FAM227A: variants seen among roughly 807,000 people sequenced by gnomAD.
The protein encoded by FAM227A is protein FAM227A.
A neutral mutation model predicts 74.7 loss-of-function variants in FAM227A; 80 were observed. The ratio of observed to expected loss-of-function variants is 1.07; its 90% CI spans 0.89 to 1.29. The LOEUF (loss-of-function observed/expected upper bound fraction) is 1.29, where lower values mean the gene tolerates loss of function less well. FAM227A is among the 50% of genes most tolerant of loss of function. The pLI is 0.00. For synonymous variants in FAM227A, 237 were observed against 241.8 expected (o/e 0.98, Z 0.19); for missense variants, 654 against 683.4 (o/e 0.96, Z 0.48).
chr22:38,651,399 C>T (rs966304218), intron 1 of FAM227A, among the ~76,000 whole-genome samples: 2 of 152,098 alleles, frequency 1.3e-5, no homozygotes, highest in Admixed American at 6.6e-5. Flanking sequence ...TTTGAGACAG[C>T]GTCTTGCTCT....
chr22:38,629,592 C>G (rs2091876205), intron 6 of FAM227A, among the ~76,000 whole-genome samples: 1 of 152,264 alleles, frequency 6.6e-6, no homozygotes, highest in Non-Finnish European at 1.5e-5. Flanking sequence ...GGTCAGCATT[C>G]TTGCCTGAGC....
At chr22:38,601,666 G>A (rs2091181342) in intron 13 of FAM227A, among the ~76,000 whole-genome samples, 1 of 152,184 alleles carries the variant, frequency 6.6e-6, no homozygotes. Context: ...GGGAATTGCT[G>A]ATGGGGCCCA....
At chr22:38,634,144 C>T (rs1288251252) in intron 6 of FAM227A, among the ~76,000 whole-genome samples, 11 of 150,646 alleles carry the variant, frequency 7.3e-5, no homozygotes, top group South Asian at 2.1e-4. Context: ...AGTGCTCGAA[C>T]CCAGGAAGGG....
At chr22:38,613,081 A>T (rs1379010057) in intron 11 of FAM227A, among the ~76,000 whole-genome samples, 1 of 96,046 alleles carries the variant, frequency 1.0e-5, no homozygotes, top group South Asian at 2.6e-4. Flanking sequence ...ATTATATATA[A>T]TTATATATAT....
chr22:38,652,837 A>G (rs1174091656), intron 1 of FAM227A, among the ~76,000 whole-genome samples: 1 of 144,786 alleles, frequency 6.9e-6, no homozygotes, highest in South Asian at 2.2e-4. Context: ...AGATCACACC[A>G]CTTCACTCCA....
chr22:38,652,876 CA>C (rs10554372), intron 1 of FAM227A, among the ~76,000 whole-genome samples: 1,647 of 90,308 alleles, frequency 0.018, 38 homozygotes, highest in African/African-American at 0.057. Context: ...GACTCCATCT[CA>C]AAAAAAAAAA....
chr22:38,620,791 A>G (rs1276835683), intron 10 of FAM227A, among the ~76,000 whole-genome samples: 1 of 151,998 alleles, frequency 6.6e-6, no homozygotes, highest in East Asian at 1.9e-4. Flanking sequence ...CCTGGGTGAC[A>G]TAATGAGACT....
intron 16 of FAM227A, among the ~76,000 whole-genome samples, chr22:38,588,814 G>A (rs1271342958): frequency 2.0e-5 from 3 of 149,830 alleles, no homozygotes; most frequent in African/African-American, 7.4e-5. Flanking sequence ...TGTAGTCCCA[G>A]CTACGTGGGA....
chr22:38,600,967 A>G (rs1041795348), intron 13 of FAM227A, among the ~76,000 whole-genome samples: 1 of 151,332 alleles, frequency 6.6e-6, no homozygotes. Flanking sequence ...AAAAAAAAAG[A>G]AAATTATTTA....
At position 38,617,496 on chromosome 22, in the gene FAM227A, C is replaced by T. The variant is rs186285726; in HGVS notation, c.1038+2716G>A. Among the ~76,000 whole-genome samples the T allele has an allele frequency of 6.6e-5, 10 of 152,114 alleles. No individual in the cohort carries two copies. In the East Asian group the frequency reaches 1.4e-3, roughly 21 times the overall value. ...ATTTTTAGTAGAGATGGGGTTTCAC[C>T]GTGTTAGCTAAGATGGTCTCGATCT... On this transcript the variant is annotated intron_variant, in intron 11 of 16. Transcript: ENST00000535113.
intron 11 of FAM227A, among the ~76,000 whole-genome samples, chr22:38,616,314 C>T (rs1221630338): frequency 1.3e-5 from 2 of 152,114 alleles, no homozygotes; most frequent in African/African-American, 2.4e-5. Context: ...CAGTGGCTGC[C>T]GGGGGCAGGA....
intron 9 of FAM227A, 92 bp from the exon 10 acceptor site, chr22:38,623,371 C>T (rs2091732648): frequency 5.0e-6 from 4 of 807,638 alleles, no homozygotes; most frequent in South Asian, 4.8e-5. Context: ...GGGAGGATTG[C>T]TTGAGCCCAG....
chr22:38,599,714 G>T, intron 14 of FAM227A, 50 bp downstream of exon 14: 2 of 1,491,668 alleles, frequency 1.3e-6, no homozygotes, highest in Non-Finnish European at 1.8e-6. Context: ...CTGGGAAGAG[G>T]ACGCGGGGGC....
At chr22:38,646,331 C>A (rs2145720915) in intron 2 of FAM227A, among the ~76,000 whole-genome samples, 1 of 132,214 alleles carries the variant, frequency 7.6e-6, no homozygotes, top group Admixed American at 8.6e-5. Flanking sequence ...GGGATCTCGG[C>A]TCACTGCAAG....
chr22:38,615,653 TG>T (rs985172436), intron 11 of FAM227A, among the ~76,000 whole-genome samples: 1 of 152,050 alleles, frequency 6.6e-6, no homozygotes, highest in African/African-American at 2.4e-5. Flanking sequence ...GCACCTGCAG[TG>T]GGGGGGCCTG....
At chr22:38,620,574 C>A (rs560629876) in intron 10 of FAM227A, among the ~76,000 whole-genome samples, 1 of 151,438 alleles carries the variant, frequency 6.6e-6, no homozygotes, top group African/African-American at 2.4e-5. Context: ...GAGGCCGAGG[C>A]GGGCGGATCA....
rs1312518550 is a variant in FAM227A, at chr22:38,626,882, AAAAAAAAAAAT to A, written c.727-590_727-580del. On this transcript the variant is annotated intron_variant, in intron 8 of 16. Coordinates refer to ENST00000535113, the MANE Select transcript of FAM227A (RefSeq NM_001013647.2). The stretch of plus-strand genomic sequence containing the variant: ...CTCTGTCTCAAAAAAAAAAAAAAAA[AAAAAAAAAAAT>A]ATATATATATATATATATATACACG... Among the ~76,000 whole-genome samples, 7 of 110,538 alleles carry A rather than the reference AAAAAAAAAAAT, an allele frequency of 6.3e-5. No homozygotes were observed. The East Asian group carries it at 1.2e-3, about 18-fold the overall frequency. 72.5% of individuals were successfully genotyped at this position (110,538 alleles called of 152,430 possible). A position where few individuals can be genotyped will look rare whatever the true frequency, so the allele number is the denominator to read the frequency against.
chr22:38,622,110 C>G (rs1171117333), intron 10 of FAM227A, among the ~76,000 whole-genome samples: 1 of 152,182 alleles, frequency 6.6e-6, no homozygotes, highest in Non-Finnish European at 1.5e-5. Context: ...TGGAATTTAC[C>G]ACCCCTTTTT....
chr22:38,605,432 GGTGT>G (rs1171445248), intron 12 of FAM227A, 84 bp from the exon 13 acceptor site: 6 of 772,010 alleles, frequency 7.8e-6, no homozygotes, highest in Middle Eastern at 2.3e-4. Context: ...TGGAATTACA[GGTGT>G]GTGCCACCGC....
Sources: gnomAD v4.1 joint callset for allele counts (sites outside exome capture counted in the v4.1 genomes callset) on GRCh38, gnomAD v4.1.1 for gene constraint, MANE v1.5 for transcripts, NCBI Gene and HGNC (gene_info 2026-07-23, HGNC 2026-07-21) for gene names.